The following EFCAB6 variants were observed in gnomAD, a reference collection of about 807,000 sequenced individuals.
EFCAB6 encodes the protein EF-hand calcium binding domain 6, also known as EF-hand calcium-binding domain-containing protein 6.
In EFCAB6, 156 loss-of-function variants were observed where a neutral mutation model predicts 169.8. That is an observed-to-expected ratio of 0.92 (90% CI 0.81 to 1.05). The LOEUF (loss-of-function observed/expected upper bound fraction) is 1.05. Ranked by LOEUF, EFCAB6 falls within the 50% of genes least tolerant of loss-of-function variation. The pLI is 0.00. For missense variants in EFCAB6, 1,800 were observed against 1,829.1 expected (o/e 0.98, Z 0.29); for synonymous variants, 698 against 676.4 (o/e 1.03, Z -0.50).
chr22:43,750,558 T>C (rs367826772), intron 6 of EFCAB6, among the ~76,000 whole-genome samples: 1 of 152,218 alleles, frequency 6.6e-6, no homozygotes, highest in Admixed American at 6.5e-5. Context: ...GTAGAGCTGA[T>C]GAAAGTAGGA....
chr22:43,774,138 A>C (rs139762809), intron 3 of EFCAB6, among the ~76,000 whole-genome samples: 1 of 152,068 alleles, frequency 6.6e-6, no homozygotes, highest in Non-Finnish European at 1.5e-5. Context: ...GGAGGATGCT[A>C]GTTCTTTCCC....
In EFCAB6 at chr22:43,672,313, G is replaced by A. The variant is rs77136801; in HGVS notation, c.1420-8C>T. The A allele has an allele frequency of 0.024, 38,402 of 1,613,326 alleles. 561 individuals are homozygous for A. The highest frequency in any genetic ancestry group is 0.027 in the Non-Finnish European group (32,121 of 1,179,422). ...GGGAGATGTCTTTCTCATCTAATTGGGAAAGAGAAAGTATATAAATAAATA... is the reference window on the plus strand; with the variant it reads ...GGGAGATGTCTTTCTCATCTAATTGAGAAAGAGAAAGTATATAAATAAATA... On this transcript the variant is annotated splice_region_variant and splice_polypyrimidine_tract_variant and intron_variant, in intron 13 of 31. Coordinates refer to ENST00000262726, the MANE Select transcript of EFCAB6 (RefSeq NM_022785.4).
At chr22:43,752,145 T>C (rs1193788383) in intron 6 of EFCAB6, among the ~76,000 whole-genome samples, 1 of 124,896 alleles carries the variant, frequency 8.0e-6, no homozygotes, top group Admixed American at 9.6e-5. Flanking sequence ...TGAGATAGAG[T>C]CTCCCTCTGT....
intron 22 of EFCAB6, among the ~76,000 whole-genome samples, chr22:43,608,008 T>C (rs928159129): frequency 6.6e-6 from 1 of 152,220 alleles, no homozygotes; most frequent in East Asian, 1.9e-4. Flanking sequence ...TCCAAGTTGC[T>C]AAAAGTTTGG....
At chr22:43,642,119 T>G (rs556131082) in intron 17 of EFCAB6, among the ~76,000 whole-genome samples, 98 of 152,212 alleles carry the variant, frequency 6.4e-4, no homozygotes, top group African/African-American at 2.1e-3. Flanking sequence ...TTTTATATTT[T>G]TAGTAGAGAT....
chr22:43,532,304 A>C (rs1371248406), intron 30 of EFCAB6, among the ~76,000 whole-genome samples: 1 of 152,134 alleles, frequency 6.6e-6, no homozygotes, highest in African/African-American at 2.4e-5. Context: ...GGAAGCTGGG[A>C]ACTGGGGTGG....
chr22:43,749,007 G>C (rs1386880061), intron 6 of EFCAB6, among the ~76,000 whole-genome samples: 1 of 152,184 alleles, frequency 6.6e-6, no homozygotes, highest in Non-Finnish European at 1.5e-5. Flanking sequence ...CCCAGCTAAG[G>C]AGTCACTGAC....
intron 10 of EFCAB6, among the ~76,000 whole-genome samples, chr22:43,694,199 GA>G (rs1179886224): frequency 2.0e-5 from 3 of 151,844 alleles, no homozygotes; most frequent in Non-Finnish European, 2.9e-5. Flanking sequence ...TGGAGTCACA[GA>G]AAGAGAGGAG....
At chr22:43,799,884 T>TC (rs913951935) in intron 2 of EFCAB6, among the ~76,000 whole-genome samples, 2 of 152,066 alleles carry the variant, frequency 1.3e-5, no homozygotes, top group African/African-American at 4.8e-5. Flanking sequence ...CAAGAAATTT[T>TC]CCCCCAATTC....
At chr22:43,648,641 C>T (rs775407306) in intron 17 of EFCAB6, among the ~76,000 whole-genome samples, 1 of 152,122 alleles carries the variant, frequency 6.6e-6, no homozygotes, top group Admixed American at 6.5e-5. Context: ...ATTATTCATG[C>T]CCCAAACCTC....
chr22:43,680,968 G>A (rs906157352), intron 12 of EFCAB6, among the ~76,000 whole-genome samples: 1 of 151,866 alleles, frequency 6.6e-6, no homozygotes, highest in African/African-American at 2.4e-5. Context: ...TTTCTTTCTC[G>A]ATTGGACTGT....
chr22:43,701,088 T>G (rs1330156763), intron 10 of EFCAB6, among the ~76,000 whole-genome samples: 1 of 152,214 alleles, frequency 6.6e-6, no homozygotes, highest in Non-Finnish European at 1.5e-5. Context: ...GAATGAATGT[T>G]TTTTGTGATC....
intron 27 of EFCAB6, among the ~76,000 whole-genome samples, chr22:43,540,765 C>T (rs1006604256): frequency 6.6e-6 from 1 of 152,222 alleles, no homozygotes; most frequent in Non-Finnish European, 1.5e-5. Flanking sequence ...CTTCCAGGTA[C>T]ACCTGAGTTC....
chr22:43,621,686 A>AT (rs1357628074), intron 20 of EFCAB6, among the ~76,000 whole-genome samples: 1 of 152,112 alleles, frequency 6.6e-6, no homozygotes, highest in Non-Finnish European at 1.5e-5. Context: ...AGAAGGAAAT[A>AT]ATAAAGACCA....
intron 9 of EFCAB6, among the ~76,000 whole-genome samples, chr22:43,714,532 G>GAAAAAAAA (rs11412286): frequency 6.8e-6 from 1 of 146,400 alleles, no homozygotes; most frequent in African/African-American, 2.5e-5. Flanking sequence ...CAAGGATCAA[G>GAAAAAAAA]AAAAAAAAAA....
At chr22:43,782,833 T>C (rs2061874543) in intron 2 of EFCAB6, among the ~76,000 whole-genome samples, 2 of 152,184 alleles carry the variant, frequency 1.3e-5, no homozygotes. Context: ...ACCAAAGGCT[T>C]ACAGCAATCT....
chr22:43,556,900 C>T (rs1215274028), intron 26 of EFCAB6, among the ~76,000 whole-genome samples: 2 of 152,300 alleles, frequency 1.3e-5, no homozygotes, highest in East Asian at 3.9e-4. Context: ...TTTTGAATAT[C>T]TTTAGGATTC....
At chr22:43,791,024 C>T (rs765968774) in intron 2 of EFCAB6, among the ~76,000 whole-genome samples, 12 of 152,098 alleles carry the variant, frequency 7.9e-5, no homozygotes, top group Non-Finnish European at 1.3e-4. Context: ...GTTTAAGATG[C>T]CTGTTGGGTA....
chr22:43,535,191 G>A, intron 29 of EFCAB6: 1 of 254,768 alleles, frequency 3.9e-6, no homozygotes, highest in Non-Finnish European at 7.4e-6. Context: ...CCGTGTCAGG[G>A]CAGAGTCAGG....
Sources: allele counts gnomAD v4.1 joint callset (sites outside exome capture counted in the v4.1 genomes callset), GRCh38; gene constraint gnomAD v4.1.1; transcripts MANE v1.5; gene names NCBI Gene and HGNC (gene_info 2026-07-23, HGNC 2026-07-21).